EYS: variants seen among roughly 807,000 people sequenced by gnomAD.
EYS encodes EGF-like photoreceptor maintenance factor.
In EYS, 250 loss-of-function variants were observed where a neutral mutation model predicts 282.1. The observed-to-expected ratio is 0.89, with a 90% CI of 0.80 to 0.98. The LOEUF is 0.98. Ranked by LOEUF, EYS falls within the 50% of genes least tolerant of loss-of-function variation. The pLI, the probability that EYS is intolerant of heterozygous loss-of-function variation, is 0.00. For missense variants in EYS, 4,016 were observed against 3,709.0 expected (o/e 1.08, Z -2.15); for synonymous variants, 1,355 against 1,282.9 (o/e 1.06, Z -1.20).
intron 33 of EYS, among the ~76,000 whole-genome samples, chr6:64,046,481 A>G (rs986302522): frequency 1.3e-5 from 2 of 151,938 alleles, no homozygotes; most frequent in African/African-American, 4.8e-5. Flanking sequence ...TGTGCCTACC[A>G]TCTTCTACAT....
intron 15 of EYS, among the ~76,000 whole-genome samples, chr6:64,942,962 A>T (rs932588566): frequency 1.3e-5 from 2 of 152,054 alleles, no homozygotes; most frequent in African/African-American, 4.8e-5. Context: ...ACACCTTATG[A>T]CCCTCAACAA....
At chr6:63,799,009 A>G (rs571157307) in intron 37 of EYS, among the ~76,000 whole-genome samples, 7 of 131,962 alleles carry the variant, frequency 5.3e-5, no homozygotes, top group Non-Finnish European at 1.1e-4. Context: ...ATATATATAT[A>G]TATATATATA....
chr6:63,885,494 T>G (rs1046436433), intron 35 of EYS, among the ~76,000 whole-genome samples: 3 of 152,210 alleles, frequency 2.0e-5, no homozygotes, highest in African/African-American at 7.2e-5. Context: ...ACTTATTGAT[T>G]CAGGCATTCA....
At chr6:63,737,707 C>A (rs1370050432) in intron 41 of EYS, among the ~76,000 whole-genome samples, 5 of 152,248 alleles carry the variant, frequency 3.3e-5, no homozygotes, top group African/African-American at 9.6e-5. Flanking sequence ...GGCTGTGAAT[C>A]CATCTGGTCC....
chr6:64,121,033 A>C (rs2150273946), intron 31 of EYS, among the ~76,000 whole-genome samples: 1 of 152,206 alleles, frequency 6.6e-6, no homozygotes, highest in South Asian at 2.1e-4. Context: ...GACCACTCTC[A>C]GTTCCTAGAG....
intron 33 of EYS, among the ~76,000 whole-genome samples, chr6:64,063,139 C>T (rs1336542094): frequency 6.6e-6 from 1 of 152,136 alleles, no homozygotes; most frequent in Non-Finnish European, 1.5e-5. Flanking sequence ...TCATTCTAGG[C>T]AATTTTTTTC....
At chr6:64,742,459 C>T (rs896418046) in intron 22 of EYS, among the ~76,000 whole-genome samples, 1 of 152,094 alleles carries the variant, frequency 6.6e-6, no homozygotes, top group Non-Finnish European at 1.5e-5. Flanking sequence ...AAAATGGTGT[C>T]AATAAAATTG....
At chr6:64,431,268 C>T (rs755500871) in intron 28 of EYS, among the ~76,000 whole-genome samples, 1 of 152,048 alleles carries the variant, frequency 6.6e-6, no homozygotes, top group African/African-American at 2.4e-5. Context: ...ATGGGTCTCT[C>T]TCTATGCCCA....
rs144730480 is a variant in EYS, at chr6:65,573,177, A to C, written c.-333+66601T>G. ...TCAGAAAAACTATAGACAGCTATTC[A>C]AAATCAAAAATAGGCCAGAGAGGGC... On this transcript the variant is annotated intron_variant, in intron 2 of 42. Transcript: ENST00000503581. Among the ~76,000 whole-genome samples the C allele has an allele frequency of 3.5e-3, 535 of 152,314 alleles. 6 individuals carry two copies. Among genetic ancestry groups the C allele is most frequent in the South Asian group, 0.027 (131 of 4,828 alleles).
chr6:65,455,929 C>A (rs920711987), intron 5 of EYS, among the ~76,000 whole-genome samples: 2 of 142,922 alleles, frequency 1.4e-5, no homozygotes, highest in East Asian at 2.1e-4. Flanking sequence ...GATTTTAATA[C>A]CGGACAAGGA....
At chr6:64,839,781 C>T (rs1233076024) in intron 19 of EYS, among the ~76,000 whole-genome samples, 1 of 151,892 alleles carries the variant, frequency 6.6e-6, no homozygotes, top group Non-Finnish European at 1.5e-5. Flanking sequence ...GGGGAGGAAC[C>T]CTGTGTTCTC....
At chr6:64,963,165 T>C (rs969540147) in intron 14 of EYS, among the ~76,000 whole-genome samples, 13 of 152,232 alleles carry the variant, frequency 8.5e-5, no homozygotes, top group African/African-American at 2.4e-4. Context: ...AAAGCCCACA[T>C]TCTAAAGATA....
At chr6:63,804,010 AT>A (rs1477887351) in intron 37 of EYS, among the ~76,000 whole-genome samples, 1 of 151,620 alleles carries the variant, frequency 6.6e-6, no homozygotes, top group Non-Finnish European at 1.5e-5. Flanking sequence ...GAGTACAATG[AT>A]TTTTTTTCTT....
At chr6:65,244,903 T>C (rs1767143744) in intron 12 of EYS, among the ~76,000 whole-genome samples, 1 of 152,204 alleles carries the variant, frequency 6.6e-6, no homozygotes, top group East Asian at 1.9e-4. Flanking sequence ...TTTTTATTTC[T>C]ATATTTATGA....
intron 31 of EYS, among the ~76,000 whole-genome samples, chr6:64,182,437 G>A (rs1764812186): frequency 6.6e-6 from 1 of 152,092 alleles, no homozygotes; most frequent in African/African-American, 2.4e-5. Flanking sequence ...CATGGGGAGA[G>A]GTGTTAGAGT....
chr6:65,043,509 G>T (rs1773001794), intron 13 of EYS, among the ~76,000 whole-genome samples: 2 of 151,318 alleles, frequency 1.3e-5, no homozygotes, highest in African/African-American at 2.4e-5. Context: ...TCTTTTTGAA[G>T]CTTTGTACCC....
At chr6:64,458,112 G>T (rs1775615404) in intron 26 of EYS, among the ~76,000 whole-genome samples, 1 of 151,986 alleles carries the variant, frequency 6.6e-6, no homozygotes, top group South Asian at 2.1e-4. Context: ...GATGTCACAA[G>T]TTACATTTTC....
At chr6:65,473,682 C>G (rs1562206268) in intron 5 of EYS, among the ~76,000 whole-genome samples, 1 of 151,706 alleles carries the variant, frequency 6.6e-6, no homozygotes, top group Non-Finnish European at 1.5e-5. Context: ...AACTACTGCA[C>G]ATGAAAAAAT....
At chr6:64,524,591 G>A (rs1047950425) in intron 26 of EYS, among the ~76,000 whole-genome samples, 1 of 151,804 alleles carries the variant, frequency 6.6e-6, no homozygotes, top group Non-Finnish European at 1.5e-5. Flanking sequence ...TTGTCTTCTA[G>A]GGTTTTTATA....
Sources: allele counts gnomAD v4.1 joint callset (sites outside exome capture counted in the v4.1 genomes callset), GRCh38; gene constraint gnomAD v4.1.1; transcripts MANE v1.5; gene names NCBI Gene and HGNC (gene_info 2026-07-23, HGNC 2026-07-21).